Variants in MYLK4 observed in about 807,000 individuals in gnomAD.
MYLK4 encodes the protein caMLCK like.
MYLK4 carries 46 observed loss-of-function variants against 48.1 expected under a neutral mutation model. The ratio of observed to expected loss-of-function variants is 0.96; its 90% CI spans 0.75 to 1.22. The LOEUF is 1.22. Ranked by LOEUF, MYLK4 falls within the 50% of genes most tolerant of loss-of-function variation. The pLI, the probability that MYLK4 is intolerant of heterozygous loss-of-function variation, is 0.00. For missense variants in MYLK4, 451 were observed against 486.1 expected, an observed-to-expected ratio of 0.93 and a Z score of 0.68; for synonymous variants, 170 against 180.8, an observed-to-expected ratio of 0.94 and a Z score of 0.48.
At chr6:2,756,250 G>C in the MYLK4 span, among the ~76,000 whole-genome samples, 1 of 152,096 alleles carries the variant, frequency 6.6e-6, no homozygotes, top group East Asian at 1.9e-4. Flanking sequence ...TTAGTATCAG[G>C]ATGAGCTTAT....
At chr6:2,746,992 C>T (rs1764115546) in intron 2 of MYLK4, among the ~76,000 whole-genome samples, 1 of 152,238 alleles carries the variant, frequency 6.6e-6, no homozygotes, top group Admixed American at 6.5e-5. Context: ...CCTATCCATT[C>T]TCCACGTGGA....
chr6:2,763,398 T>C, the MYLK4 span, among the ~76,000 whole-genome samples: 3 of 152,186 alleles, frequency 2.0e-5, no homozygotes, highest in Admixed American at 6.5e-5. Flanking sequence ...GCAGCGCTTC[T>C]CAGGGAGGCT....
intron 2 of MYLK4, among the ~76,000 whole-genome samples, chr6:2,739,098 T>C (rs1448404397): frequency 1.3e-5 from 2 of 152,208 alleles, no homozygotes; most frequent in Non-Finnish European, 2.9e-5. Flanking sequence ...CTTCATAACT[T>C]TGAGCCAATT....
In MYLK4 at chr6:2,685,487, T is replaced by C. The variant is rs781259251; in HGVS notation, c.431A>G (p.Asp144Gly). The change falls in exon 5 of 13, where the codon GAC (aspartate) becomes GGC (glycine). Residue 144 changes from aspartate to glycine, a missense_variant. Asp to Gly is a moderately conservative substitution (Grantham distance 94). Coordinates refer to ENST00000274643, the MANE Select transcript of MYLK4 (RefSeq NM_001012418.5). The surrounding 1 kb of genome is among the most constrained non-coding windows in gnomAD (Gnocchi z 4.5). ...ACCACCTCCCACAGGCTGTACCTTG[T>C]CCTTCATGCCTCTGGTCTTGATGAT... Reference protein sequence around the residue: ...AKIIKTRGMKDKEEVKNEISV... With the variant: ...AKIIKTRGMKGKEEVKNEISV... The C allele has an allele frequency of 6.2e-7, 1 of 1,614,092 alleles. No homozygotes were observed. The highest frequency in any genetic ancestry group is 1.1e-5 in the South Asian group (1 of 91,080).
rs781112419 is a variant in MYLK4 at position 2,680,214 on chromosome 6, G to A, written c.758+7C>T. ...CCATTCGTACACCTATGTCCAAATA[G>A]ACATACCTTCTGGCCAATCCAAAAT... On this transcript the variant is annotated splice_region_variant and intron_variant, in intron 8 of 12. Transcript: ENST00000274643. The A allele has an allele frequency of 1.9e-6, 3 of 1,613,994 alleles. No homozygotes were observed. In the African/African-American group the frequency reaches 4.0e-5, roughly 22 times the overall value.
chr6:2,705,831 C>T (rs9503262), intron 2 of MYLK4, among the ~76,000 whole-genome samples: 27,446 of 151,600 alleles, frequency 0.18, 2,550 homozygotes, highest in Admixed American at 0.22. Context: ...ATACAATTTA[C>T]CACAAAAGAA....
the MYLK4 span, chr6:2,766,300 G>A: frequency 1.5e-5 from 24 of 1,607,400 alleles, no homozygotes; most frequent in East Asian, 9.0e-5. Flanking sequence ...AGGGCAAGCC[G>A]CTGGCCGACA....
intron 12 of MYLK4, among the ~76,000 whole-genome samples, chr6:2,669,260 C>T (rs949284311): frequency 2.0e-5 from 3 of 152,240 alleles, no homozygotes; most frequent in South Asian, 4.1e-4. Flanking sequence ...GCAGTTCCAG[C>T]AGAGGCTGTG....
At chr6:2,748,982 T>C (rs78008376) in intron 2 of MYLK4, among the ~76,000 whole-genome samples, 154 bp downstream of exon 2, 3,382 of 152,284 alleles carry the variant, frequency 0.022, 130 homozygotes, top group African/African-American at 0.076. Flanking sequence ...CCAAACACAA[T>C]TGTATAGTCG....
intron 2 of MYLK4, among the ~76,000 whole-genome samples, chr6:2,700,334 C>T (rs1762238568): frequency 6.6e-6 from 1 of 152,180 alleles, no homozygotes; most frequent in African/African-American, 2.4e-5. Context: ...TAAACTGGGT[C>T]TTGAGTGGGG....
At chr6:2,671,165 C>T in intron 12 of MYLK4, 111 bp downstream of exon 12, 1 of 751,592 alleles carries the variant, frequency 1.3e-6, no homozygotes, top group Non-Finnish European at 2.2e-6. Flanking sequence ...TCCACGCCAG[C>T]CAAAACGCTG....
intron 2 of MYLK4, among the ~76,000 whole-genome samples, chr6:2,728,575 T>C (rs1460593570): frequency 2.0e-5 from 3 of 152,186 alleles, no homozygotes; most frequent in Non-Finnish European, 4.4e-5. Flanking sequence ...TCCATCTGTC[T>C]TTCCTCATCC....
chr6:2,745,085 C>T (rs528629657), intron 2 of MYLK4, among the ~76,000 whole-genome samples: 7 of 152,184 alleles, frequency 4.6e-5, no homozygotes, highest in East Asian at 1.9e-4. Context: ...CAGACAACCC[C>T]GGGCCTCAGG....
intron 2 of MYLK4, among the ~76,000 whole-genome samples, chr6:2,730,259 T>G (rs1763430411): frequency 6.6e-6 from 1 of 152,178 alleles, no homozygotes; most frequent in Non-Finnish European, 1.5e-5. Flanking sequence ...CGTAGAAGGA[T>G]ATCCCTCCCA....
Position 2,692,169 on chromosome 6 carries a change from G to A in MYLK4, c.235+615C>T, listed in dbSNP as rs574253278. Among the ~76,000 whole-genome samples, 4 of 152,282 alleles carry A rather than the reference G, an allele frequency of 2.6e-5. No individual in the cohort carries two copies. The East Asian group carries it at 5.8e-4, about 22-fold the overall frequency. ...CTGGGTGTTCATTTTTATCTGCAGT[G>A]TCTTGCTGTTCATTCCCAGCACTAT... On this transcript the variant is annotated intron_variant, in intron 3 of 12. Coordinates refer to ENST00000274643, the MANE Select transcript of MYLK4 (RefSeq NM_001012418.5).
chr6:2,679,448 A>T (rs1204542908), intron 8 of MYLK4, 40 bp from the exon 9 acceptor site: 1 of 1,613,442 alleles, frequency 6.2e-7, no homozygotes, highest in African/African-American at 1.3e-5. Flanking sequence ...GGACGTGTCG[A>T]TCAAAAATCG....
At position 2,685,268 on chromosome 6, in the gene MYLK4, T is replaced by C; in HGVS notation, c.545+28A>G. 6.5e-7 allele frequency: 1 copy of C among 1,545,362 alleles called. No individual in the cohort carries two copies. The highest frequency in any genetic ancestry group is 1.4e-5 in the African/African-American group (1 of 73,428). On this transcript the variant is annotated intron_variant, in intron 6 of 12. Coordinates refer to ENST00000274643, the MANE Select transcript of MYLK4 (RefSeq NM_001012418.5). The surrounding 1 kb of genome is among the most constrained non-coding windows in gnomAD (Gnocchi z 4.5). Reference sequence around the variant, plus strand: ...ACGGTCATGAGTGCCCTTGGGGAGGTCAGGGAGGGGGCGGAGGGGATACGT... The same window carrying C: ...ACGGTCATGAGTGCCCTTGGGGAGGCCAGGGAGGGGGCGGAGGGGATACGT...
chr6:2,734,524 T>C (rs1298977904), intron 2 of MYLK4, among the ~76,000 whole-genome samples: 1 of 152,178 alleles, frequency 6.6e-6, no homozygotes, highest in African/African-American at 2.4e-5. Context: ...GAAATATTTA[T>C]CTTATCAAGG....
At chr6:2,759,805 C>T in the MYLK4 span, among the ~76,000 whole-genome samples, 1 of 152,192 alleles carries the variant, frequency 6.6e-6, no homozygotes, top group African/African-American at 2.4e-5. Flanking sequence ...AGATAACTTT[C>T]TCTATTTTAC....
Sources: allele counts gnomAD v4.1 joint callset (sites outside exome capture counted in the v4.1 genomes callset), GRCh38; gene constraint gnomAD v4.1.1; non-coding constraint Gnocchi (gnomAD v3.1); transcripts MANE v1.5; gene names NCBI Gene and HGNC (gene_info 2026-07-23, HGNC 2026-07-21).